The following IQCM variants were observed in gnomAD, a reference collection of about 807,000 sequenced individuals.
The protein encoded by IQCM is IQ motif containing M, also known as IQ domain-containing protein M.
Under a neutral mutation model 57.6 loss-of-function variants are expected in IQCM, and 45 were observed. The ratio of observed to expected loss-of-function variants is 0.78; its 90% CI spans 0.62 to 1.00. The LOEUF (loss-of-function observed/expected upper bound fraction) is 1.00. IQCM is among the 50% of genes least tolerant of loss of function. The probability of loss-of-function intolerance (pLI) is 0.00; values close to 1 mark genes in which losing one functional copy is unlikely to be tolerated. For missense variants in IQCM, 468 were observed against 511.6 expected (o/e 0.91, Z 0.82); for synonymous variants, 148 against 158.9 (o/e 0.93, Z 0.51).
intron 12 of IQCM, among the ~76,000 whole-genome samples, chr4:149,516,724 T>G (rs917740334): frequency 1.3e-5 from 2 of 151,850 alleles, no homozygotes; most frequent in African/African-American, 4.8e-5. Flanking sequence ...CTAGCAAAAT[T>G]TTTGCTTCCT....
chr4:149,469,929 A>AT (rs1374930194), intron 12 of IQCM, among the ~76,000 whole-genome samples: 1 of 152,220 alleles, frequency 6.6e-6, no homozygotes, highest in African/African-American at 2.4e-5. Context: ...AGGCTGAGAG[A>AT]TTTTGTCACC....
intron 13 of IQCM, among the ~76,000 whole-genome samples, chr4:149,386,902 T>C (rs1731468199): frequency 6.6e-6 from 1 of 152,102 alleles, no homozygotes; most frequent in African/African-American, 2.4e-5. Context: ...TCAGATTTAA[T>C]ATCTTTTTGT....
chr4:149,379,301 T>A (rs539928683), intron 13 of IQCM, among the ~76,000 whole-genome samples: 1 of 152,214 alleles, frequency 6.6e-6, no homozygotes, highest in East Asian at 1.9e-4. Flanking sequence ...GTTCTCCAGA[T>A]CCCTGAATGG....
At chr4:149,579,006 T>C (rs972688794) in intron 9 of IQCM, among the ~76,000 whole-genome samples, 9 of 151,872 alleles carry the variant, frequency 5.9e-5, no homozygotes, top group African/African-American at 2.2e-4. Context: ...ATATCTGATT[T>C]TCCCTGCCTG....
chr4:149,596,409 T>G (rs1753784510), intron 8 of IQCM, among the ~76,000 whole-genome samples: 1 of 152,162 alleles, frequency 6.6e-6, no homozygotes, highest in Admixed American at 6.6e-5. Flanking sequence ...GAAGCTTGTC[T>G]TTGCCTTGGG....
intron 13 of IQCM, among the ~76,000 whole-genome samples, chr4:149,379,335 C>G (rs1730917886): frequency 6.6e-6 from 1 of 152,130 alleles, no homozygotes. Flanking sequence ...AGCTTGCACC[C>G]TGCACATGGA....
intron 13 of IQCM, among the ~76,000 whole-genome samples, chr4:149,385,152 G>A (rs758952526): frequency 1.6e-4 from 24 of 151,972 alleles, no homozygotes; most frequent in Non-Finnish European, 2.8e-4. Flanking sequence ...GCTATATTCC[G>A]GAGCTTAAAT....
At chr4:149,636,330 A>G (rs1757714094) in intron 7 of IQCM, among the ~76,000 whole-genome samples, 1 of 152,210 alleles carries the variant, frequency 6.6e-6, no homozygotes, top group African/African-American at 2.4e-5. Flanking sequence ...ATTTGAGAGT[A>G]CAGAATCCTC....
chr4:149,493,090 G>A (rs1742271369), intron 12 of IQCM, among the ~76,000 whole-genome samples: 1 of 152,056 alleles, frequency 6.6e-6, no homozygotes, highest in African/African-American at 2.4e-5. Flanking sequence ...CACTCCTGGG[G>A]AAGTTGGTTA....
At chr4:149,608,087 C>T (rs1754955909) in intron 8 of IQCM, among the ~76,000 whole-genome samples, 1 of 151,788 alleles carries the variant, frequency 6.6e-6, no homozygotes, top group Non-Finnish European at 1.5e-5. Context: ...AAAAATACTC[C>T]ATGCCAGTGG....
chr4:149,519,181 A>G (rs1206031297), intron 12 of IQCM, among the ~76,000 whole-genome samples: 1 of 152,210 alleles, frequency 6.6e-6, no homozygotes, highest in African/African-American at 2.4e-5. Context: ...TACAATATAC[A>G]GTGTTACACA....
intron 8 of IQCM, among the ~76,000 whole-genome samples, chr4:149,608,189 A>T (rs921821289): frequency 6.6e-6 from 1 of 152,022 alleles, no homozygotes; most frequent in African/African-American, 2.4e-5. Context: ...ATAATGGTAG[A>T]GGAGACAATA....
chr4:149,479,614 C>T (rs1245148351), intron 12 of IQCM, among the ~76,000 whole-genome samples: 5 of 152,210 alleles, frequency 3.3e-5, no homozygotes, highest in African/African-American at 1.2e-4. Flanking sequence ...TCAAGGAGTT[C>T]CTCCTTCTTT....
chr4:149,705,105 C>A (rs1397448924), intron 5 of IQCM, among the ~76,000 whole-genome samples: 2 of 148,858 alleles, frequency 1.3e-5, no homozygotes, highest in Non-Finnish European at 3.0e-5. Flanking sequence ...TAATCACATG[C>A]TAATGATATA....
chr4:149,544,033 T>C (rs1003721507), intron 12 of IQCM, among the ~76,000 whole-genome samples: 5 of 151,612 alleles, frequency 3.3e-5, no homozygotes, highest in Non-Finnish European at 5.9e-5. Context: ...ACTCCAAACA[T>C]ACAATGAAGC....
intron 7 of IQCM, among the ~76,000 whole-genome samples, chr4:149,650,206 T>G (rs1021314289): frequency 1.0e-5 from 1 of 98,296 alleles, no homozygotes; most frequent in African/African-American, 3.6e-5. Flanking sequence ...TTTTATGTCC[T>G]TATAACAAGA....
chr4:149,760,597 C>A (rs890450706), intron 2 of IQCM, among the ~76,000 whole-genome samples: 19 of 151,686 alleles, frequency 1.3e-4, no homozygotes, highest in Admixed American at 3.9e-4. Context: ...CCTTTTAGGC[C>A]AGAAATAATG....
At chr4:149,478,524 T>C (rs961480748) in intron 12 of IQCM, among the ~76,000 whole-genome samples, 2 of 152,118 alleles carry the variant, frequency 1.3e-5, no homozygotes, top group Non-Finnish European at 2.9e-5. Flanking sequence ...TGCTTTCCAT[T>C]AAGGTATGAA....
intron 7 of IQCM, among the ~76,000 whole-genome samples, chr4:149,658,819 TG>T (rs1759878313): frequency 6.6e-6 from 1 of 152,126 alleles, no homozygotes; most frequent in South Asian, 2.1e-4. Flanking sequence ...TTTTGTATGT[TG>T]ATTTTGTATT....
Sources: allele counts gnomAD v4.1 joint callset (sites outside exome capture counted in the v4.1 genomes callset), GRCh38; gene constraint gnomAD v4.1.1; transcripts MANE v1.5; gene names NCBI Gene and HGNC (gene_info 2026-07-23, HGNC 2026-07-21).